Variants in NR6A1 observed in about 807,000 individuals in gnomAD.
NR6A1 encodes retinoic acid receptor-related testis-associated receptor.
A neutral mutation model predicts 59.1 loss-of-function variants in NR6A1; 7 were observed. The ratio of observed to expected loss-of-function variants is 0.12; its 90% CI spans 0.07 to 0.22. The LOEUF (loss-of-function observed/expected upper bound fraction) is 0.22. NR6A1 is among the 10% of genes least tolerant of loss of function. The probability of loss-of-function intolerance (pLI) is 1.00; values close to 1 mark genes in which losing one functional copy is unlikely to be tolerated. For missense variants in NR6A1, 468 were observed against 611.6 expected (o/e 0.77, Z 2.48); for synonymous variants, 243 against 236.1 (o/e 1.03, Z -0.27).
At chr9:124,769,484 T>A (rs2131216659) in intron 1 of NR6A1, among the ~76,000 whole-genome samples, 1 of 152,360 alleles carries the variant, frequency 6.6e-6, no homozygotes, top group East Asian at 1.9e-4. Context: ...AGCGCCTAAC[T>A]GACCTATTTT....
At chr9:124,582,849 T>G (rs1834813599) in intron 2 of NR6A1, among the ~76,000 whole-genome samples, 1 of 152,174 alleles carries the variant, frequency 6.6e-6, no homozygotes, top group African/African-American at 2.4e-5. Context: ...GATTGCATAC[T>G]GCAAAAGAAC....
intron 2 of NR6A1, among the ~76,000 whole-genome samples, chr9:124,657,278 A>ACAAACATC (rs899186994): frequency 6.6e-6 from 1 of 152,212 alleles, no homozygotes; most frequent in African/African-American, 2.4e-5. Flanking sequence ...AATTCCAAGT[A>ACAAACATC]CAAACATCCA....
chr9:124,724,418 G>C (rs1564254886), intron 2 of NR6A1, among the ~76,000 whole-genome samples: 1 of 148,710 alleles, frequency 6.7e-6, no homozygotes, highest in Non-Finnish European at 1.5e-5. Context: ...CAACCAGCTG[G>C]TAAAAAAAGA....
At chr9:124,705,360 G>A (rs920248154) in intron 2 of NR6A1, among the ~76,000 whole-genome samples, 2 of 151,934 alleles carry the variant, frequency 1.3e-5, no homozygotes, top group South Asian at 4.2e-4. Flanking sequence ...TTTTTGCTTC[G>A]TGTATTTTGG....
At chr9:124,558,972 A>AT (rs1834003542) in intron 2 of NR6A1, among the ~76,000 whole-genome samples, 1 of 152,208 alleles carries the variant, frequency 6.6e-6, no homozygotes, top group East Asian at 1.9e-4. Context: ...TTTGAAGTGT[A>AT]TAAGTGTATT....
chr9:124,751,076 C>T (rs1355145600), intron 1 of NR6A1, among the ~76,000 whole-genome samples: 2 of 151,982 alleles, frequency 1.3e-5, no homozygotes, highest in African/African-American at 4.8e-5. Context: ...TTCCTCCCAT[C>T]TGCAAAATGA....
chr9:124,595,373 C>A (rs553648610), intron 2 of NR6A1, among the ~76,000 whole-genome samples: 2 of 152,116 alleles, frequency 1.3e-5, no homozygotes, highest in South Asian at 2.1e-4. Context: ...TGGCAGATAG[C>A]GAACTGGATT....
chr9:124,764,772 C>T (rs1203045604), intron 1 of NR6A1, among the ~76,000 whole-genome samples: 1 of 152,212 alleles, frequency 6.6e-6, no homozygotes, highest in Non-Finnish European at 1.5e-5. Context: ...AATAATTTCT[C>T]ACTTGGGCAG....
chr9:124,749,845 T>G (rs1434763659), intron 1 of NR6A1, among the ~76,000 whole-genome samples: 1 of 152,222 alleles, frequency 6.6e-6, no homozygotes. Context: ...AAGTTCCTCT[T>G]CTAGCATTAA....
intron 2 of NR6A1, among the ~76,000 whole-genome samples, chr9:124,612,335 C>T (rs1166408010): frequency 6.6e-6 from 1 of 152,090 alleles, no homozygotes; most frequent in East Asian, 1.9e-4. Context: ...GAACTGACCC[C>T]GGGCTCAGAT....
At chr9:124,611,216 T>C (rs1310717452) in intron 2 of NR6A1, among the ~76,000 whole-genome samples, 1 of 151,820 alleles carries the variant, frequency 6.6e-6, no homozygotes, top group African/African-American at 2.4e-5. Context: ...TGGTTGAGAA[T>C]GTATGTAAAA....
chr9:124,682,612 T>A (rs536994439), intron 2 of NR6A1, among the ~76,000 whole-genome samples: 19 of 152,320 alleles, frequency 1.2e-4, no homozygotes, highest in Non-Finnish European at 1.9e-4. Flanking sequence ...TATGTTAATA[T>A]ATAATGGTTT....
chr9:124,592,528 A>C (rs754843091), intron 2 of NR6A1, among the ~76,000 whole-genome samples: 1 of 152,186 alleles, frequency 6.6e-6, no homozygotes, highest in Non-Finnish European at 1.5e-5. Flanking sequence ...CCCCAGCAAA[A>C]GGGTACCGAT....
chr9:124,736,284 C>CT (rs1184020784), intron 1 of NR6A1, among the ~76,000 whole-genome samples: 1 of 152,166 alleles, frequency 6.6e-6, no homozygotes, highest in African/African-American at 2.4e-5. Context: ...AATGTACCTT[C>CT]TGAAAGTGCC....
At chr9:124,719,882 T>C (rs1017829328) in intron 2 of NR6A1, among the ~76,000 whole-genome samples, 13 of 151,694 alleles carry the variant, frequency 8.6e-5, no homozygotes, top group East Asian at 3.9e-4. Context: ...GATCGCACCA[T>C]TGCACTCCAG....
chr9:124,553,549 CTTTT>C (rs780925768), intron 3 of NR6A1, among the ~76,000 whole-genome samples: 51 of 47,308 alleles, frequency 1.1e-3, no homozygotes, highest in African/African-American at 3.8e-3. Flanking sequence ...TTTAGCTTGA[CTTTT>C]TTTTTTTTTT....
intron 2 of NR6A1, among the ~76,000 whole-genome samples, chr9:124,557,758 T>C (rs1445231615): frequency 3.3e-5 from 5 of 152,214 alleles, no homozygotes; most frequent in African/African-American, 1.2e-4. Context: ...TGGAACACTG[T>C]TGGGAAACCA....
At chr9:124,621,038 A>G (rs1836052801) in intron 2 of NR6A1, among the ~76,000 whole-genome samples, 1 of 152,238 alleles carries the variant, frequency 6.6e-6, no homozygotes, top group South Asian at 2.1e-4. Context: ...CCCAGAGCCC[A>G]GATCGAAACA....
intron 2 of NR6A1, among the ~76,000 whole-genome samples, chr9:124,677,151 A>T (rs997031108): frequency 5.7e-4 from 87 of 152,198 alleles, no homozygotes; most frequent in African/African-American, 2.1e-3. Flanking sequence ...ATATAATTTG[A>T]CATGTTTAGA....
Sources: allele counts gnomAD v4.1 joint callset (sites outside exome capture counted in the v4.1 genomes callset), GRCh38; gene constraint gnomAD v4.1.1; transcripts MANE v1.5; gene names NCBI Gene and HGNC (gene_info 2026-07-23, HGNC 2026-07-21).